BCAS3: variants seen among roughly 807,000 people sequenced by gnomAD.
BCAS3 encodes BCAS4/BCAS3 fusion.
Under a neutral mutation model 116.1 loss-of-function variants are expected in BCAS3, and 53 were observed. The ratio of observed to expected loss-of-function variants is 0.46; its 90% CI spans 0.37 to 0.57. BCAS3 has a LOEUF of 0.57. Ranked by LOEUF, BCAS3 falls within the 20% of genes least tolerant of loss-of-function variation. The pLI is 0.00. For synonymous variants in BCAS3, 391 were observed against 408.2 expected (o/e 0.96, Z 0.51); for missense variants, 917 against 1,165.4 (o/e 0.79, Z 3.10).
At chr17:60,889,895 C>T (rs1034328271) in intron 10 of BCAS3, 124 bp downstream of exon 10, 8 of 893,152 alleles carry the variant, frequency 9.0e-6, no homozygotes, top group East Asian at 2.6e-5. Context: ...AGTTCATTTG[C>T]TTTGGTTTGG....
Position 60,994,601 on chromosome 17 carries a change from A to G in BCAS3, c.1486+4366A>G, listed in dbSNP as rs1236500262. On this transcript the variant is annotated intron_variant, in intron 15 of 23. Coordinates refer to ENST00000407086, the MANE Select transcript of BCAS3 (RefSeq NM_017679.5). The surrounding 1 kb of genome is among the most constrained non-coding windows in gnomAD (Gnocchi z 4.4). ...GATCTTTGTGTCTCACCATATTCCT[A>G]GAAGGTTAGAAAATGTCCTATCTTA... is the stretch of plus-strand genomic sequence containing the variant. 1.3e-5 allele frequency among the ~76,000 whole-genome samples: 2 copies of G among 152,182 alleles called. No homozygotes were observed. Among genetic ancestry groups the G allele is most frequent in the East Asian group, 1.9e-4 (1 of 5,196 alleles).
At chr17:61,359,541 C>T (rs911081418) in intron 22 of BCAS3, among the ~76,000 whole-genome samples, 31 of 149,104 alleles carry the variant, frequency 2.1e-4, no homozygotes, top group Admixed American at 2.0e-4. Flanking sequence ...GTTGCCCAGG[C>T]TGGAGTGCGG....
At chr17:61,329,077 G>A (rs2055990199) in intron 22 of BCAS3, among the ~76,000 whole-genome samples, 2 of 150,742 alleles carry the variant, frequency 1.3e-5, no homozygotes, top group Non-Finnish European at 1.5e-5. Flanking sequence ...TGTATTTTTA[G>A]TAGAGATGGG....
rs1286834375 is a variant in BCAS3 at position 61,251,381 on chromosome 17, C to T, written c.2426-116946C>T. On this transcript the variant is annotated intron_variant, in intron 22 of 23. Transcript: ENST00000407086. This position sits in a 1 kb window ranked among gnomAD's most constrained non-coding sequence, Gnocchi z 4.7. Reference sequence around the variant, plus strand: ...GGTCAGAGTTTGAGACCATCCTGGCCAATATGGCGAAACCCCGTCTCTACT... The same window carrying T: ...GGTCAGAGTTTGAGACCATCCTGGCTAATATGGCGAAACCCCGTCTCTACT... 6.6e-6 allele frequency among the ~76,000 whole-genome samples: 1 copy of T among 152,068 alleles called. No individual in the cohort carries two copies. The highest frequency in any genetic ancestry group is 1.5e-5 in the Non-Finnish European group (1 of 68,006).
At chr17:60,709,812 A>C (rs942813612) in intron 5 of BCAS3, among the ~76,000 whole-genome samples, 5 of 152,122 alleles carry the variant, frequency 3.3e-5, no homozygotes, top group Admixed American at 6.6e-5. Context: ...TTGCATTTGG[A>C]CTCCTACATG....
At chr17:61,015,363 T>C (rs919570352) in intron 15 of BCAS3, among the ~76,000 whole-genome samples, 1 of 152,212 alleles carries the variant, frequency 6.6e-6, no homozygotes, top group Non-Finnish European at 1.5e-5. Flanking sequence ...CTATCATAGC[T>C]CACTGTAACC....
chr17:60,767,332 C>T (rs183136689), intron 6 of BCAS3, among the ~76,000 whole-genome samples: 47 of 145,940 alleles, frequency 3.2e-4, no homozygotes, highest in Non-Finnish European at 5.2e-4. Context: ...TCTTGGAACT[C>T]AGAAGTCCTT....
intron 13 of BCAS3, among the ~76,000 whole-genome samples, chr17:60,924,823 A>G (rs1468906934): frequency 1.3e-5 from 2 of 151,764 alleles, no homozygotes; most frequent in Non-Finnish European, 2.9e-5. Flanking sequence ...AATGGATATG[A>G]GCAGTATTTT....
chr17:61,173,786 A>G (rs1339814144), intron 22 of BCAS3, among the ~76,000 whole-genome samples: 1 of 151,868 alleles, frequency 6.6e-6, no homozygotes, highest in Admixed American at 6.6e-5. Flanking sequence ...GGAGGTTGAG[A>G]TGGGGGATGA....
At chr17:60,791,162 C>T (rs183272707) in intron 6 of BCAS3, among the ~76,000 whole-genome samples, 10 of 152,190 alleles carry the variant, frequency 6.6e-5, no homozygotes, top group South Asian at 2.1e-4. Flanking sequence ...CTCAAACCTC[C>T]GGTGTAGATA....
intron 14 of BCAS3, among the ~76,000 whole-genome samples, chr17:60,959,699 T>C (rs1423104886): frequency 6.6e-6 from 1 of 152,168 alleles, no homozygotes; most frequent in African/African-American, 2.4e-5. Flanking sequence ...TACTCAATGG[T>C]TTTTTTCCTG....
rs1199666466 is a variant in BCAS3, at chr17:61,364,332, G to T, written c.2426-3995G>T. On this transcript the variant is annotated intron_variant, in intron 22 of 23. Transcript: ENST00000407086. This position sits in a 1 kb window ranked among gnomAD's most constrained non-coding sequence, Gnocchi z 5.4. ...CACCAAACTCCAAGCAACTCGGGCT[G>T]GTTGGGAGTGGGAAGGGTTTTTAAA... 6.6e-6 allele frequency among the ~76,000 whole-genome samples: 1 copy of T among 152,220 alleles called. No individual in the cohort carries two copies. The highest frequency in any genetic ancestry group is 1.9e-4 in the East Asian group (1 of 5,196).
intron 22 of BCAS3, among the ~76,000 whole-genome samples, chr17:61,099,357 G>A (rs2074179259): frequency 6.6e-6 from 1 of 152,112 alleles, no homozygotes; most frequent in African/African-American, 2.4e-5. Flanking sequence ...GATAGTCAGT[G>A]ATAATCAACA....
chr17:61,037,771 T>G lies in BCAS3; in HGVS notation c.1763-118T>G. On this transcript the variant is annotated intron_variant, in intron 17 of 23. Transcript: ENST00000407086. This position sits in a 1 kb window ranked among gnomAD's most constrained non-coding sequence, Gnocchi z 4.7. ...AGAAAAAAAGAAAAAAATTCCTGTC[T>G]TTTCATTTTCTCTGAGCAGCCTCAG... 1 of 982,040 alleles carries G rather than the reference T, an allele frequency of 1.0e-6. No individual in the cohort carries two copies. Among genetic ancestry groups the G allele is most frequent in the Admixed American group, 2.9e-5 (1 of 34,846 alleles). 60.8% of individuals were successfully genotyped at this position (982,040 alleles called of 1,614,324 possible).
rs780791143 is a variant in BCAS3, at chr17:61,220,827, G to A, written c.2425+136263G>A. The stretch of plus-strand genomic sequence containing the variant: ...CCTAGAAAGTGTAGTTCGGCTGGGC[G>A]CGGTGGCTCACGCCTGTAATCCCAG... On this transcript the variant is annotated intron_variant, in intron 22 of 23. Coordinates refer to ENST00000407086, the MANE Select transcript of BCAS3 (RefSeq NM_017679.5). This position sits in a 1 kb window ranked among gnomAD's most constrained non-coding sequence, Gnocchi z 4.5. 8.6e-5 allele frequency among the ~76,000 whole-genome samples: 13 copies of A among 151,406 alleles called. No individual in the cohort carries two copies. The highest frequency in any genetic ancestry group is 1.5e-4 in the Non-Finnish European group (10 of 67,840).
At chr17:60,701,658 A>G (rs2036406631) in intron 4 of BCAS3, among the ~76,000 whole-genome samples, 1 of 152,136 alleles carries the variant, frequency 6.6e-6, no homozygotes, top group African/African-American at 2.4e-5. Flanking sequence ...ATCATTTACT[A>G]TAAAATATAC....
intron 22 of BCAS3, among the ~76,000 whole-genome samples, chr17:61,179,452 G>T (rs1233899431): frequency 6.6e-6 from 1 of 152,046 alleles, no homozygotes; most frequent in African/African-American, 2.4e-5. Flanking sequence ...CAGTAGACAG[G>T]CTATTCTTGG....
chr17:61,029,870 T>G lies in BCAS3; in HGVS notation c.1638-4796T>G, dbSNP rs2066506586. Among the ~76,000 whole-genome samples, 1 of 152,054 alleles carries G rather than the reference T, an allele frequency of 6.6e-6. No individual in the cohort carries two copies. The highest frequency in any genetic ancestry group is 2.4e-5 in the African/African-American group (1 of 41,452). On this transcript the variant is annotated intron_variant, in intron 16 of 23. Transcript: ENST00000407086. This position sits in a 1 kb window ranked among gnomAD's most constrained non-coding sequence, Gnocchi z 5.2. ...ATATTTTAAAATTTTATGATTTCAT[T>G]TTTTGAAAGATACGATTTATATGGA...
At chr17:60,846,771 A>C (rs900650594) in intron 7 of BCAS3, among the ~76,000 whole-genome samples, 1 of 150,354 alleles carries the variant, frequency 6.7e-6, no homozygotes, top group African/African-American at 2.4e-5. Context: ...CCCTCCCTTC[A>C]TTCCTTCTTT....
Sources: gnomAD v4.1 joint callset for allele counts (sites outside exome capture counted in the v4.1 genomes callset) on GRCh38, gnomAD v4.1.1 for gene constraint, Gnocchi (gnomAD v3.1) non-coding constraint, MANE v1.5 for transcripts, NCBI Gene and HGNC (gene_info 2026-07-23, HGNC 2026-07-21) for gene names.